SNTG1: variants seen among roughly 807,000 people sequenced by gnomAD.
SNTG1 encodes gamma-1-syntrophin.
SNTG1 carries 39 observed loss-of-function variants against 74.7 expected under a neutral mutation model. The ratio of observed to expected loss-of-function variants is 0.52; its 90% CI spans 0.40 to 0.68. The LOEUF (loss-of-function observed/expected upper bound fraction) is 0.68, where lower values mean the gene tolerates loss of function less well. Ranked by LOEUF, SNTG1 falls within the 30% of genes least tolerant of loss-of-function variation. The pLI is 0.00. For missense variants in SNTG1, 685 were observed against 609.5 expected (o/e 1.12, Z -1.30); for synonymous variants, 254 against 217.1 (o/e 1.17, Z -1.49).
intron 12 of SNTG1, among the ~76,000 whole-genome samples, chr8:50,554,317 A>G (rs904177242): frequency 4.6e-5 from 7 of 152,084 alleles, no homozygotes; most frequent in Admixed American, 2.6e-4. Context: ...TTACCAGGCA[A>G]TGCTAAGTGT....
chr8:50,259,837 A>G (rs962043989), intron 2 of SNTG1, among the ~76,000 whole-genome samples: 8 of 152,182 alleles, frequency 5.3e-5, no homozygotes, highest in Non-Finnish European at 8.8e-5. Flanking sequence ...CAGATGAATC[A>G]CAATTTTTTT....
intron 1 of SNTG1, among the ~76,000 whole-genome samples, chr8:50,064,545 G>T (rs1331861998): frequency 6.6e-6 from 1 of 152,126 alleles, no homozygotes; most frequent in Admixed American, 6.5e-5. Context: ...CATCTTTTTA[G>T]ACCCAAATAT....
At chr8:50,577,944 A>T (rs2094586395) in intron 12 of SNTG1, among the ~76,000 whole-genome samples, 1 of 152,230 alleles carries the variant, frequency 6.6e-6, no homozygotes, top group African/African-American at 2.4e-5. Context: ...GATGCAAAGC[A>T]CCAAGAGCAC....
intron 2 of SNTG1, among the ~76,000 whole-genome samples, chr8:50,322,027 G>A (rs1420177607): frequency 6.6e-6 from 1 of 152,122 alleles, no homozygotes; most frequent in Non-Finnish European, 1.5e-5. Context: ...TTTTACCAGT[G>A]AGTTTTGTGC....
At position 50,734,869 on chromosome 8, in the gene SNTG1, A is replaced by ATGGACATATATATATCTATATATAT. The variant is rs1554623245; in HGVS notation, c.1285-17131_1285-17107dup. ...TATGGACATATATATATCTATATAT[A>ATGGACATATATATATCTATATATAT]TGGACATATATATATCTATATATAT... is the stretch of plus-strand genomic sequence containing the variant. On this transcript the variant is annotated intron_variant, in intron 17 of 18. Transcript: ENST00000642720. Among the ~76,000 whole-genome samples the ATGGACATATATATATCTATATATAT allele has an allele frequency of 6.3e-5, 8 of 127,034 alleles. No homozygotes were observed. The East Asian group carries it at 1.3e-3, about 20-fold the overall frequency. 83.3% of individuals were successfully genotyped at this position (127,034 alleles called of 152,430 possible). A position where few individuals can be genotyped will look rare whatever the true frequency, so the allele number is the denominator to read the frequency against.
intron 2 of SNTG1, among the ~76,000 whole-genome samples, chr8:50,340,561 A>C (rs1371857349): frequency 2.6e-5 from 4 of 152,016 alleles, no homozygotes; most frequent in African/African-American, 7.2e-5. Context: ...CCTCACAAAA[A>C]TAAATTCAAA....
At chr8:50,351,101 CACCCT>C (rs1217123634) in intron 2 of SNTG1, among the ~76,000 whole-genome samples, 1 of 152,236 alleles carries the variant, frequency 6.6e-6, no homozygotes, top group Non-Finnish European at 1.5e-5. Context: ...ATTCCGGACA[CACCCT>C]TACATGGTGT....
chr8:50,598,049 G>GT (rs909168504), intron 13 of SNTG1, among the ~76,000 whole-genome samples: 3 of 150,490 alleles, frequency 2.0e-5, no homozygotes, highest in African/African-American at 7.3e-5. Context: ...GTTTGTTTTT[G>GT]TTTTTTGTTT....
chr8:50,411,447 CA>C (rs34465884), intron 4 of SNTG1, among the ~76,000 whole-genome samples: 57 of 109,572 alleles, frequency 5.2e-4, no homozygotes, highest in African/African-American at 4.9e-4. Flanking sequence ...GACTCCATCT[CA>C]AAAAAAAAAA....
In SNTG1 at chr8:50,695,372, C is replaced by T. The variant is rs193159867; in HGVS notation, c.1039-9228C>T. ...GATACACAAAATGCTTAGCAATAGA[C>T]TGTTTCTGACAGTCAAGTATAGTTT... is the stretch of plus-strand genomic sequence containing the variant. On this transcript the variant is annotated intron_variant, in intron 15 of 18. Coordinates refer to ENST00000642720, the MANE Select transcript of SNTG1 (RefSeq NM_018967.5). Among the ~76,000 whole-genome samples, 619 of 151,942 alleles carry T rather than the reference C, an allele frequency of 4.1e-3. 2 individuals carry two copies. Among genetic ancestry groups the T allele is most frequent in the Non-Finnish European group, 6.9e-3 (468 of 67,816 alleles).
At chr8:50,074,965 C>T (rs566074126) in intron 1 of SNTG1, among the ~76,000 whole-genome samples, 10 of 152,310 alleles carry the variant, frequency 6.6e-5, no homozygotes, top group East Asian at 3.9e-4. Context: ...AGCGGCCTGC[C>T]GGCGCCACTG....
At chr8:50,301,410 TC>T (rs2089638702) in intron 2 of SNTG1, among the ~76,000 whole-genome samples, 1 of 152,176 alleles carries the variant, frequency 6.6e-6, no homozygotes, top group East Asian at 1.9e-4. Flanking sequence ...AATTTCAACT[TC>T]TTTTTTATAT....
intron 4 of SNTG1, among the ~76,000 whole-genome samples, chr8:50,426,280 T>C (rs2093162358): frequency 6.6e-6 from 1 of 152,168 alleles, no homozygotes; most frequent in Admixed American, 6.6e-5. Context: ...TCATTTGTTA[T>C]TGCTTTCAGC....
intron 2 of SNTG1, among the ~76,000 whole-genome samples, chr8:50,268,592 G>C (rs892881664): frequency 3.3e-5 from 5 of 151,836 alleles, no homozygotes; most frequent in Non-Finnish European, 7.4e-5. Context: ...GAGATACACA[G>C]ATCAATGGAA....
At chr8:50,725,572 C>T (rs2095498126) in intron 17 of SNTG1, among the ~76,000 whole-genome samples, 1 of 152,114 alleles carries the variant, frequency 6.6e-6, no homozygotes, top group Non-Finnish European at 1.5e-5. Flanking sequence ...TATCCTCTTT[C>T]CTGTCCATAT....
chr8:50,705,434 T>C (rs950852035), intron 16 of SNTG1, among the ~76,000 whole-genome samples: 6 of 152,196 alleles, frequency 3.9e-5, no homozygotes, highest in African/African-American at 1.4e-4. Flanking sequence ...ATAAAAATCA[T>C]AAAAGTAATA....
At chr8:50,572,747 T>C (rs1314364005) in intron 12 of SNTG1, among the ~76,000 whole-genome samples, 2 of 152,190 alleles carry the variant, frequency 1.3e-5, no homozygotes, top group East Asian at 3.9e-4. Flanking sequence ...ATGGTCATCT[T>C]GTATCCTTAC....
chr8:50,172,786 A>AAC (rs757384753), intron 2 of SNTG1, among the ~76,000 whole-genome samples, 151 bp downstream of exon 2: 11 of 141,832 alleles, frequency 7.8e-5, no homozygotes, highest in African/African-American at 2.9e-4. Flanking sequence ...CAAAAAAAAA[A>AAC]AACAAAACCT....
chr8:49,910,155 CACA>C (rs1358262856), upstream of SNTG1, among the ~76,000 whole-genome samples: 1 of 152,138 alleles, frequency 6.6e-6, no homozygotes, highest in Non-Finnish European at 1.5e-5. Flanking sequence ...GGGAGGAAAG[CACA>C]ACGTCTAGGA....
Sources: gnomAD v4.1 joint callset for allele counts (sites outside exome capture counted in the v4.1 genomes callset) on GRCh38, gnomAD v4.1.1 for gene constraint, MANE v1.5 for transcripts, NCBI Gene and HGNC (gene_info 2026-07-23, HGNC 2026-07-21) for gene names.